The following PBRM1 variants were observed in gnomAD, a reference collection of about 807,000 sequenced individuals.
PBRM1 encodes protein polybromo-1.
A neutral mutation model predicts 194.5 loss-of-function variants in PBRM1; 27 were observed. The ratio of observed to expected loss-of-function variants is 0.14; its 90% CI spans 0.10 to 0.19. The LOEUF (loss-of-function observed/expected upper bound fraction) is 0.19, where lower values mean the gene tolerates loss of function less well. Ranked by LOEUF, PBRM1 falls within the 10% of genes least tolerant of loss-of-function variation. The probability of loss-of-function intolerance (pLI) is 1.00; values close to 1 mark genes in which losing one functional copy is unlikely to be tolerated. For missense variants in PBRM1, 1,466 were observed against 2,077.2 expected (o/e 0.71, Z 5.72); for synonymous variants, 655 against 693.2 (o/e 0.94, Z 0.87).
intron 4 of PBRM1, 67 bp downstream of exon 5, chr3:52,662,066 A>C: frequency 6.6e-7 from 1 of 1,520,198 alleles, no homozygotes; most frequent in Non-Finnish European, 9.0e-7. Context: ...CCCAGAGGGA[A>C]TCACAAGCAG....
In PBRM1 at chr3:52,636,919, A is replaced by T. The variant is rs985934354; in HGVS notation, c.1088-2104T>A. On this transcript the variant is annotated intron_variant, in intron 10 of 29. Coordinates refer to ENST00000296302, the Ensembl canonical transcript of PBRM1. ...GCTTGATAAGTACCAGCCTCAGGTA[A>T]TCCTAAAACCAACACACAAGATGGG... Among the ~76,000 whole-genome samples, 8 of 152,020 alleles carry T rather than the reference A, an allele frequency of 5.3e-5. No individual in the cohort carries two copies. In the East Asian group the frequency reaches 1.5e-3, roughly 29 times the overall value.
intron 22 of PBRM1, among the ~76,000 whole-genome samples, chr3:52,575,508 CTTTTTTTTTTTTT>C (rs1177139118): frequency 8.0e-5 from 7 of 87,160 alleles, no homozygotes; most frequent in South Asian, 3.9e-4. Flanking sequence ...AATCAATTGT[CTTTTTTTTTTTTT>C]TTTTTTTTTT....
intron 27 of PBRM1, among the ~76,000 whole-genome samples, chr3:52,551,532 C>T (rs1212404064): frequency 6.6e-6 from 1 of 151,916 alleles, no homozygotes; most frequent in African/African-American, 2.4e-5. Context: ...TGTAAGCTTC[C>T]CTCAGTGAAT....
intron 5 of PBRM1, among the ~76,000 whole-genome samples, chr3:52,654,083 A>G (rs1429795955): frequency 6.6e-6 from 1 of 152,202 alleles, no homozygotes; most frequent in Non-Finnish European, 1.5e-5. Flanking sequence ...AAATAACTGA[A>G]GTTGCCCAAA....
intron 14 of PBRM1, among the ~76,000 whole-genome samples, chr3:52,615,810 T>C (rs1288313029): frequency 1.3e-5 from 2 of 152,224 alleles, no homozygotes; most frequent in Admixed American, 6.5e-5. Flanking sequence ...GTAGCAGACT[T>C]AGCCCAATAG....
Position 52,628,988 on chromosome 3 carries a change from C to A in PBRM1, c.1349G>T (p.Cys450Phe), listed in dbSNP as rs753073607. The stretch of plus-strand genomic sequence containing the variant: ...ATTTTCAAACATTAAATTCAGATCA[C>A]ACTCCAAATGATCTAAAGTTTCATA... The change falls in exon 12 of 30, where the codon TGT (cysteine) becomes TTT (phenylalanine). Residue 450 changes from cysteine to phenylalanine, a missense_variant. Physicochemically the swap from Cys to Phe is radical, Grantham distance 205. This residue lies in a region of PBRM1 where 457 missense variants were observed against 591.6 expected (regional missense o/e 0.77). Transcript: ENST00000296302. 1.9e-6 allele frequency: 3 copies of A among 1,607,354 alleles called. No individual in the cohort carries two copies. The South Asian group carries it at 3.3e-5, about 18-fold the overall frequency.
At chr3:52,621,642 T>A (rs1343723169) in intron 13 of PBRM1, among the ~76,000 whole-genome samples, 3 of 152,242 alleles carry the variant, frequency 2.0e-5, no homozygotes, top group African/African-American at 2.4e-5. Flanking sequence ...GTCTTGTAAC[T>A]GGCATAATCA....
At chr3:52,551,389 T>C (rs2080958546) in intron 27 of PBRM1, among the ~76,000 whole-genome samples, 2 of 152,198 alleles carry the variant, frequency 1.3e-5, no homozygotes. Flanking sequence ...TTCCATCTGA[T>C]AGAGTAGCAC....
intron 2 of PBRM1, among the ~76,000 whole-genome samples, chr3:52,670,463 A>C (rs1011613229): frequency 1.3e-5 from 2 of 152,240 alleles, no homozygotes; most frequent in Non-Finnish European, 2.9e-5. Context: ...ACATGTACAC[A>C]CAAACCAAAT....
Position 52,642,174 on chromosome 3 carries a change from A to C in PBRM1, c.996-129T>G, listed in dbSNP as rs11130313. On this transcript the variant is annotated intron_variant, in intron 9 of 29. Coordinates refer to ENST00000296302, the Ensembl canonical transcript of PBRM1. ...ATAATTTCTATTCAATTGCCTCCTT[A>C]GTTTATCTCTGTACTTAATGGTTCT... 239,110 of 643,128 alleles carry C rather than the reference A, an allele frequency of 0.37. 47,118 individuals carry two copies. Among genetic ancestry groups the C allele is most frequent in the Admixed American group, 0.48 (18,042 of 37,606 alleles). 39.8% of individuals were successfully genotyped at this position (643,128 alleles called of 1,614,324 possible).
At chr3:52,681,596 G>T, upstream of PBRM1, 1 of 279,056 alleles carries the variant, frequency 3.6e-6, no homozygotes, top group Non-Finnish European at 5.6e-6. Context: ...CATAAGGAGG[G>T]AATCTTTGTG....
intron 11 of PBRM1, among the ~76,000 whole-genome samples, chr3:52,631,472 A>G (rs2095616547): frequency 6.6e-6 from 1 of 152,178 alleles, no homozygotes; most frequent in Non-Finnish European, 1.5e-5. Flanking sequence ...AGGTAGTTTT[A>G]CCTGCTTCTT....
At chr3:52,629,312 A>G (rs747408695) in intron 11 of PBRM1, among the ~76,000 whole-genome samples, 45 of 152,340 alleles carry the variant, frequency 3.0e-4, no homozygotes, top group Non-Finnish European at 5.4e-4. Flanking sequence ...AAAGAAGACA[A>G]TTACAAAGCA....
chr3:52,666,552 T>C (rs368568584), intron 3 of PBRM1, among the ~76,000 whole-genome samples: 1 of 141,844 alleles, frequency 7.1e-6, no homozygotes, highest in Non-Finnish European at 1.5e-5. Flanking sequence ...AAAAAAGAAA[T>C]GGCAAAGGGT....
intron 16 of PBRM1, among the ~76,000 whole-genome samples, chr3:52,606,006 T>G (rs1272597487): frequency 6.6e-6 from 1 of 151,622 alleles, no homozygotes; most frequent in Non-Finnish European, 1.5e-5. Flanking sequence ...GAAACACTTT[T>G]TTTTTCTTCT....
At chr3:52,634,578 T>G in intron 11 of PBRM1, 24 bp downstream of exon 12, 3 of 1,403,184 alleles carry the variant, frequency 2.1e-6, no homozygotes, top group Non-Finnish European at 3.0e-6. Context: ...AAAATTATAC[T>G]GAATAATGTA....
At chr3:52,648,024 T>G (rs1306985819) in intron 7 of PBRM1, among the ~76,000 whole-genome samples, 1 of 151,862 alleles carries the variant, frequency 6.6e-6, no homozygotes, top group Non-Finnish European at 1.5e-5. Context: ...CTCTCCTACC[T>G]CAGCCTCCCG....
At chr3:52,680,988 C>T (rs547922513), upstream of PBRM1, among the ~76,000 whole-genome samples, 1 of 151,848 alleles carries the variant, frequency 6.6e-6, no homozygotes, top group Admixed American at 6.6e-5. Flanking sequence ...ATCCTTCAGC[C>T]CCTGAGGTAG....
upstream of PBRM1, chr3:52,681,724 G>A (rs1051049516): frequency 3.0e-6 from 3 of 1,016,440 alleles, no homozygotes; most frequent in Non-Finnish European, 3.5e-6. Context: ...CCAGCGCCTC[G>A]AAAAGCCAGT....
Sources: gnomAD v4.1 joint callset for allele counts (sites outside exome capture counted in the v4.1 genomes callset) on GRCh38, gnomAD v4.1.1 for gene constraint, gnomAD v4.1.1 regional missense constraint, MANE v1.5 for transcripts, NCBI Gene and HGNC (gene_info 2026-07-23, HGNC 2026-07-21) for gene names.